Variants in PCDHGB4 observed in about 807,000 individuals in gnomAD.
PCDHGB4 encodes the protein protocadherin gamma-B4.
PCDHGB4 carries 38 observed loss-of-function variants against 60.5 expected under a neutral mutation model. That is an observed-to-expected ratio of 0.63 (90% CI 0.48 to 0.82). The LOEUF (loss-of-function observed/expected upper bound fraction) is 0.82. Ranked by LOEUF, PCDHGB4 falls within the 40% of genes least tolerant of loss-of-function variation. The pLI, the probability that PCDHGB4 is intolerant of heterozygous loss-of-function variation, is 0.00. For synonymous variants in PCDHGB4, 456 were observed against 509.7 expected (o/e 0.89, Z 1.42); for missense variants, 1,109 against 1,209.6 (o/e 0.92, Z 1.23).
rs1369501221 is a variant in PCDHGB4 at position 141,493,257 on chromosome 5, A to G, written c.2398-1550A>G. On this transcript the variant is annotated intron_variant, in intron 1 of 3. Coordinates refer to ENST00000519479, the MANE Select transcript of PCDHGB4 (RefSeq NM_003736.4). The surrounding 1 kb of genome is among the most constrained non-coding windows in gnomAD (Gnocchi z 4.3). ...GGCTAGGTACTAACATGCCTCTCTT[A>G]TAACAGCTTCACAGAGGTCAAGTGA... Among the ~76,000 whole-genome samples the G allele has an allele frequency of 6.6e-6, 1 of 152,190 alleles. No individual in the cohort carries two copies. Among genetic ancestry groups the G allele is most frequent in the South Asian group, 2.1e-4 (1 of 4,830 alleles).
intron 1 of PCDHGB4, chr5:141,430,809 G>T (rs949727881): frequency 2.0e-6 from 3 of 1,526,896 alleles, no homozygotes; most frequent in Non-Finnish European, 2.6e-6. Flanking sequence ...GTCCTGCTGG[G>T]AATCCTCCTG....
chr5:141,461,371 G>C (rs755281402), intron 1 of PCDHGB4, among the ~76,000 whole-genome samples: 1 of 152,084 alleles, frequency 6.6e-6, no homozygotes, highest in Non-Finnish European at 1.5e-5. Context: ...GTTTTAATTT[G>C]CATTTTCCTG....
Position 141,421,724 on chromosome 5 carries a change from A to G in PCDHGB4, c.2397+31443A>G, listed in dbSNP as rs541532003. On this transcript the variant is annotated intron_variant, in intron 1 of 3. Transcript: ENST00000519479. ...GCTAGGGATCCAGATGTGGGCGTGA[A>G]CTCCCTCCAGAGCTACCAGCTCAGC... 250 of 1,613,766 alleles carry G rather than the reference A, an allele frequency of 1.5e-4. 5 individuals are homozygous for G. The South Asian group carries it at 2.6e-3, about 17-fold the overall frequency.
At chr5:141,427,901 G>C (rs2097088177) in intron 1 of PCDHGB4, 6 of 1,572,234 alleles carry the variant, frequency 3.8e-6, no homozygotes, top group East Asian at 2.2e-5. Flanking sequence ...GCTCGCCCGC[G>C]CTCAGCGCCA....
In PCDHGB4 at chr5:141,441,804, C is replaced by CAT. The variant is rs1189673284; in HGVS notation, c.2397+51523_2397+51524insAT. The CAT allele has an allele frequency of 6.5e-4, 249 of 382,482 alleles. 2 individuals are homozygous for CAT. Among genetic ancestry groups the CAT allele is most frequent in the African/African-American group, 4.8e-3 (221 of 45,888 alleles). 23.7% of individuals were successfully genotyped at this position (382,482 alleles called of 1,614,324 possible). The stretch of plus-strand genomic sequence containing the variant: ...CCTGAATGACAACGCACCGCGGGTG[C>CAT]TGTACCCCAGCTCTGGAGCGCAATG... On this transcript the variant is annotated intron_variant, in intron 1 of 3. Transcript: ENST00000519479.
intron 1 of PCDHGB4, chr5:141,407,890 A>C (rs2094997846): frequency 2.5e-6 from 1 of 395,960 alleles, no homozygotes. Flanking sequence ...TCGGAGACCG[A>C]ATTCAAAATG....
At chr5:141,429,929 T>A (rs2097253197) in intron 1 of PCDHGB4, among the ~76,000 whole-genome samples, 1 of 152,240 alleles carries the variant, frequency 6.6e-6, no homozygotes, top group African/African-American at 2.4e-5. Flanking sequence ...AATAGAATTC[T>A]GGAGTACTTC....
chr5:141,422,078 A>G lies in PCDHGB4; in HGVS notation c.2397+31797A>G, dbSNP rs1442545718. 11 of 1,612,298 alleles carry G rather than the reference A, an allele frequency of 6.8e-6. No homozygotes were observed. In the South Asian group the frequency reaches 8.8e-5, roughly 13 times the overall value. Reference sequence around the variant, plus strand: ...GGGGAAGTAATGTATTCATTTCGGAACATGGAAAGCAAGGCTTCTGAAATA... The same window carrying G: ...GGGGAAGTAATGTATTCATTTCGGAGCATGGAAAGCAAGGCTTCTGAAATA... On this transcript the variant is annotated intron_variant, in intron 1 of 3. Coordinates refer to ENST00000519479, the MANE Select transcript of PCDHGB4 (RefSeq NM_003736.4).
intron 1 of PCDHGB4, among the ~76,000 whole-genome samples, chr5:141,446,571 G>C (rs1460375061): frequency 2.0e-5 from 3 of 152,058 alleles, no homozygotes; most frequent in African/African-American, 7.2e-5. Flanking sequence ...CTGCCTCCCA[G>C]GTTCAAGTGA....
intron 1 of PCDHGB4, chr5:141,414,982 G>A (rs1415279007): frequency 3.7e-6 from 6 of 1,613,712 alleles, no homozygotes; most frequent in Admixed American, 1.7e-5. Flanking sequence ...CAGAGACTCC[G>A]GCCAGAACGC....
At chr5:141,451,036 G>T (rs973806381) in intron 1 of PCDHGB4, among the ~76,000 whole-genome samples, 1 of 150,880 alleles carries the variant, frequency 6.6e-6, no homozygotes, top group Non-Finnish European at 1.5e-5. Flanking sequence ...CACCATATTG[G>T]CCAGGCTGGT....
chr5:141,447,181 G>T (rs442221), intron 1 of PCDHGB4, among the ~76,000 whole-genome samples: 1 of 152,338 alleles, frequency 6.6e-6, no homozygotes, highest in Admixed American at 6.5e-5. Context: ...CTCTTGTCGC[G>T]CAGGCTGGAG....
chr5:141,421,912 A>G (rs1207036091), intron 1 of PCDHGB4: 2 of 1,613,696 alleles, frequency 1.2e-6, no homozygotes, highest in Admixed American at 1.7e-5. Context: ...CGCAGTTCCC[A>G]TTCGTGTGGT....
At chr5:141,427,470 G>A (rs765970767) in intron 1 of PCDHGB4, 8 of 509,992 alleles carry the variant, frequency 1.6e-5, no homozygotes, top group African/African-American at 7.7e-5. Flanking sequence ...CGAATCTTCC[G>A]CCAATAATGA....
At chr5:141,410,430 A>G in intron 1 of PCDHGB4, 1 of 1,613,976 alleles carries the variant, frequency 6.2e-7, no homozygotes, top group Middle Eastern at 1.6e-4. Context: ...CCCCCCAACT[A>G]CAGTGAGGGG....
In PCDHGB4 at chr5:141,432,002, G is replaced by A. The variant is rs781525225; in HGVS notation, c.2397+41721G>A. On this transcript the variant is annotated intron_variant, in intron 1 of 3. Transcript: ENST00000519479. This position sits in a 1 kb window ranked among gnomAD's most constrained non-coding sequence, Gnocchi z 6.0. ...AGACATAGTCTTGGATAGGGAACAG[G>A]TTCCTAGCTACAACATCACAGTGAC... The A allele has an allele frequency of 1.9e-6, 3 of 1,614,186 alleles. No homozygotes were observed. In the South Asian group the frequency reaches 3.3e-5, roughly 18 times the overall value.
intron 1 of PCDHGB4, among the ~76,000 whole-genome samples, chr5:141,458,009 G>T (rs1039110082): frequency 2.6e-5 from 4 of 152,142 alleles, no homozygotes; most frequent in Non-Finnish European, 4.4e-5. Context: ...AAAATAACCG[G>T]TTTTTCCAAT....
rs1369956811 is a variant in PCDHGB4, at chr5:141,460,759, A to G, written c.2398-34048A>G. Among the ~76,000 whole-genome samples, 3 of 152,088 alleles carry G rather than the reference A, an allele frequency of 2.0e-5. No individual in the cohort carries two copies. In the East Asian group the frequency reaches 5.8e-4, roughly 29 times the overall value. On this transcript the variant is annotated intron_variant, in intron 1 of 3. Coordinates refer to ENST00000519479, the MANE Select transcript of PCDHGB4 (RefSeq NM_003736.4). ...ATTGTATATATATGTGTACATATAC[A>G]TATTGCATATGTATGTATACATATA...
chr5:141,490,322 A>C lies in PCDHGB4; in HGVS notation c.2398-4485A>C. ...GCCTCTTTGGCCAACCCTGTCCTAGAGAGCACACCAGTGGGCACAGTAGTG... is the reference window on the plus strand; with the variant it reads ...GCCTCTTTGGCCAACCCTGTCCTAGCGAGCACACCAGTGGGCACAGTAGTG... On this transcript the variant is annotated intron_variant, in intron 1 of 3. Coordinates refer to ENST00000519479, the MANE Select transcript of PCDHGB4 (RefSeq NM_003736.4). This position sits in a 1 kb window ranked among gnomAD's most constrained non-coding sequence, Gnocchi z 5.4. The C allele has an allele frequency of 6.2e-7, 1 of 1,614,232 alleles. No individual in the cohort carries two copies. Among genetic ancestry groups the C allele is most frequent in the Non-Finnish European group, 8.5e-7 (1 of 1,180,038 alleles).
Sources: allele counts gnomAD v4.1 joint callset (sites outside exome capture counted in the v4.1 genomes callset), GRCh38; gene constraint gnomAD v4.1.1; non-coding constraint Gnocchi (gnomAD v3.1); transcripts MANE v1.5; gene names NCBI Gene and HGNC (gene_info 2026-07-23, HGNC 2026-07-21).